Variants in RASAL2 observed in about 807,000 individuals in gnomAD.
The protein encoded by RASAL2 is ras GTPase-activating protein nGAP.
RASAL2 carries 58 observed loss-of-function variants against 128.9 expected under a neutral mutation model. That is an observed-to-expected ratio of 0.45 (90% CI 0.36 to 0.56). The LOEUF is 0.56. RASAL2 is among the 20% of genes least tolerant of loss of function. The pLI is 0.00. For synonymous variants in RASAL2, 561 were observed against 580.8 expected, an observed-to-expected ratio of 0.97 and a Z score of 0.49; for missense variants, 1,360 against 1,601.6, an observed-to-expected ratio of 0.85 and a Z score of 2.57.
intron 3 of RASAL2, among the ~76,000 whole-genome samples, chr1:178,380,816 T>C (rs537864536): frequency 6.6e-6 from 1 of 152,302 alleles, no homozygotes; most frequent in East Asian, 1.9e-4. Flanking sequence ...AATCTTGCAG[T>C]GACTTAAGAC....
chr1:178,366,542 G>A (rs1449957103), intron 3 of RASAL2, among the ~76,000 whole-genome samples: 1 of 147,338 alleles, frequency 6.8e-6, no homozygotes, highest in Non-Finnish European at 1.5e-5. Flanking sequence ...AGAAGATAAC[G>A]CTCATCCGCT....
chr1:178,288,308 C>T (rs1667124867), intron 2 of RASAL2, among the ~76,000 whole-genome samples: 1 of 152,160 alleles, frequency 6.6e-6, no homozygotes, highest in Non-Finnish European at 1.5e-5. Flanking sequence ...CTCCTGTTTC[C>T]TCAAACTGCC....
intron 8 of RASAL2, 115 bp downstream of exon 8, chr1:178,443,344 A>G (rs1242463393): frequency 1.0e-6 from 1 of 978,444 alleles, no homozygotes; most frequent in East Asian, 2.6e-5. Flanking sequence ...ATTGGTCAAA[A>G]CAAGAAGAAT....
intron 12 of RASAL2, among the ~76,000 whole-genome samples, chr1:178,455,591 A>C (rs1401337246): frequency 6.6e-6 from 1 of 152,210 alleles, no homozygotes; most frequent in Non-Finnish European, 1.5e-5. Context: ...ACTGTTCCTT[A>C]TTCTCGAGGA....
At chr1:178,388,047 C>A (rs910340865) in intron 3 of RASAL2, among the ~76,000 whole-genome samples, 1 of 151,806 alleles carries the variant, frequency 6.6e-6, no homozygotes, top group Non-Finnish European at 1.5e-5. Flanking sequence ...ATTTATTTTT[C>A]CCCCAATTTA....
At position 178,391,079 on chromosome 1, in the gene RASAL2, T is replaced by G. The variant is rs138469857; in HGVS notation, c.564+873T>G. On this transcript the variant is annotated intron_variant, in intron 4 of 17. Transcript: ENST00000367649. ...AAGAAAAACCTTGAAAGAAACTAAC[T>G]CCTTAAATTGACCAGGCAGTATTGA... Among the ~76,000 whole-genome samples the G allele has an allele frequency of 5.5e-3, 841 of 152,264 alleles. 23 individuals are homozygous for G. The highest frequency in any genetic ancestry group is 0.047 in the Admixed American group (711 of 15,286).
At chr1:178,330,019 C>T (rs2102364665) in intron 3 of RASAL2, among the ~76,000 whole-genome samples, 1 of 152,190 alleles carries the variant, frequency 6.6e-6, no homozygotes, top group South Asian at 2.1e-4. Flanking sequence ...AGTATACATT[C>T]AGTAAATTTT....
At chr1:178,322,323 C>A (rs1668833081) in intron 3 of RASAL2, among the ~76,000 whole-genome samples, 1 of 152,130 alleles carries the variant, frequency 6.6e-6, no homozygotes, top group South Asian at 2.1e-4. Context: ...TTATCCTTAC[C>A]CTTTTTCTTT....
chr1:178,412,862 G>T (rs1674490486), intron 4 of RASAL2, among the ~76,000 whole-genome samples: 1 of 150,860 alleles, frequency 6.6e-6, no homozygotes, highest in South Asian at 2.1e-4. Flanking sequence ...GTCCTACCAG[G>T]TTCTCACAGT....
intron 4 of RASAL2, among the ~76,000 whole-genome samples, chr1:178,402,865 A>G (rs1429582066): frequency 1.3e-5 from 2 of 152,122 alleles, no homozygotes; most frequent in Non-Finnish European, 2.9e-5. Context: ...TCCCCTGACA[A>G]TGAAAAAAAA....
chr1:178,303,086 A>G (rs1365601686), intron 3 of RASAL2, among the ~76,000 whole-genome samples: 1 of 152,178 alleles, frequency 6.6e-6, no homozygotes, highest in Non-Finnish European at 1.5e-5. Flanking sequence ...TAGAATAGAG[A>G]GTCTTGAAGT....
intron 1 of RASAL2, among the ~76,000 whole-genome samples, chr1:178,152,199 G>A (rs569650255): frequency 1.3e-5 from 2 of 152,184 alleles, no homozygotes; most frequent in South Asian, 2.1e-4. Flanking sequence ...AGTCCTGTAG[G>A]AGCTCTTCCT....
intron 1 of RASAL2, among the ~76,000 whole-genome samples, chr1:178,106,255 A>T (rs1340184): frequency 0.11 from 16,632 of 152,224 alleles, 1,161 homozygotes; most frequent in African/African-American, 0.19. Context: ...CAGCATAAAA[A>T]ATCTCTTTGC....
chr1:178,287,239 C>A (rs1393816502), intron 2 of RASAL2, among the ~76,000 whole-genome samples: 1 of 151,574 alleles, frequency 6.6e-6, no homozygotes. Context: ...TTACACATAC[C>A]ATGCTGCCTG....
chr1:178,397,228 T>A (rs1571998763), intron 4 of RASAL2, among the ~76,000 whole-genome samples: 1 of 152,190 alleles, frequency 6.6e-6, no homozygotes, highest in Non-Finnish European at 1.5e-5. Context: ...AACCCAAATG[T>A]CTATCAACTG....
At chr1:178,416,858 G>A (rs1054219661) in intron 4 of RASAL2, among the ~76,000 whole-genome samples, 1 of 151,706 alleles carries the variant, frequency 6.6e-6, no homozygotes, top group Admixed American at 6.6e-5. Flanking sequence ...TTGTTCCTCT[G>A]TACATAAGGT....
At chr1:178,467,280 A>G (rs771553079) in intron 16 of RASAL2, 54 bp from the exon 17 acceptor site, 12 of 1,433,140 alleles carry the variant, frequency 8.4e-6, no homozygotes, top group South Asian at 1.2e-5. Context: ...TGTTCTCTAC[A>G]CTAGCTAGCC....
intron 1 of RASAL2, among the ~76,000 whole-genome samples, chr1:178,162,422 AT>A: frequency 8.5e-6 from 1 of 117,838 alleles, no homozygotes; most frequent in East Asian, 2.1e-4. Flanking sequence ...TATATATAAT[AT>A]TATATATATT....
chr1:178,250,814 C>T (rs1255402408), intron 1 of RASAL2, among the ~76,000 whole-genome samples: 1 of 152,138 alleles, frequency 6.6e-6, no homozygotes, highest in African/African-American at 2.4e-5. Flanking sequence ...ACTGTGTTTG[C>T]TTAGTCACGT....
Sources: allele counts gnomAD v4.1 joint callset (sites outside exome capture counted in the v4.1 genomes callset), GRCh38; gene constraint gnomAD v4.1.1; transcripts MANE v1.5; gene names NCBI Gene and HGNC (gene_info 2026-07-23, HGNC 2026-07-21).